The following TMEM236 variants were observed in gnomAD, a reference collection of about 807,000 sequenced individuals.
The protein encoded by TMEM236 is transmembrane protein 236, also known as family with sequence similarity 23, member A.
TMEM236 carries 11 observed loss-of-function variants against 14.7 expected under a neutral mutation model. The ratio of observed to expected loss-of-function variants is 0.75; its 90% CI spans 0.47 to 1.24. The LOEUF (loss-of-function observed/expected upper bound fraction) is 1.24, where lower values mean the gene tolerates loss of function less well. Among genes scored for constraint, TMEM236 ranks in the 50% most tolerant of loss-of-function variants. The probability of loss-of-function intolerance (pLI) is 0.00; values close to 1 mark genes in which losing one functional copy is unlikely to be tolerated. For synonymous variants in TMEM236, 182 were observed against 168.6 expected, an observed-to-expected ratio of 1.08 and a Z score of -0.62; for missense variants, 464 against 427.3, an observed-to-expected ratio of 1.09 and a Z score of -0.76.
At chr10:17,770,934 G>A (rs1485751350) in intron 1 of TMEM236, among the ~76,000 whole-genome samples, 2 of 152,070 alleles carry the variant, frequency 1.3e-5, no homozygotes, top group East Asian at 3.8e-4. Context: ...TACAACATGG[G>A]ATATAATATA....
At chr10:17,756,492 C>T (rs971075689) in intron 1 of TMEM236, among the ~76,000 whole-genome samples, 10 of 152,086 alleles carry the variant, frequency 6.6e-5, no homozygotes, top group African/African-American at 2.4e-4. Flanking sequence ...GATGGATTTT[C>T]CCCATGTTGG....
At chr10:17,783,662 T>A (rs1837790367) in intron 3 of TMEM236, among the ~76,000 whole-genome samples, 1 of 152,174 alleles carries the variant, frequency 6.6e-6, no homozygotes, top group Non-Finnish European at 1.5e-5. Flanking sequence ...AGGTTTTTGA[T>A]ATGTGTAGTT....
At chr10:17,762,648 T>G (rs1837391663) in intron 1 of TMEM236, among the ~76,000 whole-genome samples, 1 of 140,136 alleles carries the variant, frequency 7.1e-6, no homozygotes, top group Non-Finnish European at 1.5e-5. Flanking sequence ...TATATTTAGG[T>G]TTTATTATAT....
At chr10:17,780,606 T>C (rs1023514254) in intron 3 of TMEM236, among the ~76,000 whole-genome samples, 1 of 152,050 alleles carries the variant, frequency 6.6e-6, no homozygotes, top group Non-Finnish European at 1.5e-5. Context: ...GCTTTCTACA[T>C]AGAAGAAAGG....
At chr10:17,780,158 C>T (rs1837723671) in intron 3 of TMEM236, among the ~76,000 whole-genome samples, 1 of 152,178 alleles carries the variant, frequency 6.6e-6, no homozygotes, top group Admixed American at 6.5e-5. Flanking sequence ...TTTCCCCTCC[C>T]ACTTATAGAA....
At chr10:17,764,839 T>C (rs1448698155) in intron 1 of TMEM236, among the ~76,000 whole-genome samples, 4 of 145,804 alleles carry the variant, frequency 2.7e-5, no homozygotes, top group Non-Finnish European at 1.5e-5. Context: ...GATTTTCCCT[T>C]TTTTTTTTTT....
At position 17,752,867 on chromosome 10, in the gene TMEM236, T is replaced by C. The variant is rs1192824310; in HGVS notation, c.257+315T>C. 4.6e-5 allele frequency among the ~76,000 whole-genome samples: 7 copies of C among 152,288 alleles called. No homozygotes were observed. In the East Asian group the frequency reaches 1.4e-3, roughly 29 times the overall value. ...CAGGCAGAAGCCACAATGCCCGGCC[T>C]GTAGAAGAATTCTTTAGTAGGGAAT... On this transcript the variant is annotated intron_variant, in intron 1 of 3. Transcript: ENST00000377495.
intron 1 of TMEM236, among the ~76,000 whole-genome samples, chr10:17,768,782 T>G (rs903644619): frequency 9.3e-5 from 14 of 150,918 alleles, no homozygotes; most frequent in Non-Finnish European, 1.9e-4. Flanking sequence ...TTTCCTATAC[T>G]ATATATGAGA....
At chr10:17,778,749 C>T (rs782532621) in intron 3 of TMEM236, among the ~76,000 whole-genome samples, 34,903 of 152,206 alleles carry the variant, frequency 0.23, 4,148 homozygotes, top group Non-Finnish European at 0.26. Flanking sequence ...TGGACACTCT[C>T]ACAGCATCCT....
In TMEM236 at chr10:17,797,755, A is replaced by G. The variant is rs2130543503; in HGVS notation, c.*1251A>G. The G allele has an allele frequency of 1.3e-5, 2 of 152,318 alleles. No individual in the cohort carries two copies. The highest frequency in any genetic ancestry group is 3.9e-4 in the East Asian group (2 of 5,190). The allele number at this position is 152,318 out of a possible 1,614,324, so 9.4% of individuals were successfully genotyped here. On this transcript the variant is annotated 3_prime_UTR_variant, in exon 4 of 4. Transcript: ENST00000377495. ...AGATATTTGGCTCAGTTTAAGGCTT[A>G]GCTGTATTGCCAGTACTGAAGTACT...
intron 3 of TMEM236, among the ~76,000 whole-genome samples, chr10:17,791,389 T>G (rs888804557): frequency 6.6e-6 from 1 of 152,060 alleles, no homozygotes; most frequent in African/African-American, 2.4e-5. Flanking sequence ...GTCTGAGAGT[T>G]GGAGGCTGTA....
intron 3 of TMEM236, among the ~76,000 whole-genome samples, chr10:17,783,798 T>A (rs1837792564): frequency 6.6e-6 from 1 of 152,230 alleles, no homozygotes; most frequent in African/African-American, 2.4e-5. Context: ...AATAGTATCG[T>A]AGGCAAAATA....
rs1838071756 is a variant in TMEM236 at position 17,800,021 on chromosome 10, CTG to C, written c.*3519_*3520del. On this transcript the variant is annotated 3_prime_UTR_variant, in exon 4 of 4. Coordinates refer to ENST00000377495, the MANE Select transcript of TMEM236 (RefSeq NM_001098844.3). ...CTGCGAAAACATTGATAGTTCTACA[CTG>C]TAATTAAATGTTATATATATTATTA... The C allele has an allele frequency of 6.6e-6, 1 of 152,144 alleles. No homozygotes were observed. 9.4% of individuals were successfully genotyped at this position (152,144 alleles called of 1,614,324 possible). A position where few individuals can be genotyped will look rare whatever the true frequency, so the allele number is the denominator to read the frequency against.
chr10:17,770,388 AATTT>A (rs1837549580), intron 1 of TMEM236, among the ~76,000 whole-genome samples: 1 of 151,808 alleles, frequency 6.6e-6, no homozygotes, highest in African/African-American at 2.4e-5. Context: ...TTAATTAATT[AATTT>A]ATTTATTTTG....
In TMEM236 at chr10:17,795,989, C is replaced by A; in HGVS notation, c.541C>A (p.Gln181Lys). Residue 181 changes from glutamine (Q) to lysine (K), a missense_variant, in exon 4 of 4, where the codon CAA becomes AAA. Gln to Lys is a moderately conservative substitution (Grantham distance 53). Transcript: ENST00000377495. ...AAAAACTGTGACGGAGCAAGTGAGG[C>A]AAAGTCCAGAAAACGCTGCATCTCC... Reference protein sequence around the residue: ...HIKTVTEQVRQSPENAASPQA... With the variant: ...HIKTVTEQVRKSPENAASPQA... The A allele has an allele frequency of 6.2e-7, 1 of 1,613,942 alleles. No individual in the cohort carries two copies. The highest frequency in any genetic ancestry group is 8.5e-7 in the Non-Finnish European group (1 of 1,179,870).
chr10:17,762,574 CATATATATATATATATATATAT>C (rs878958449), intron 1 of TMEM236, among the ~76,000 whole-genome samples: 2,515 of 53,082 alleles, frequency 0.047, 220 homozygotes, highest in African/African-American at 0.14. Flanking sequence ...ATCTGAATTT[CATATATATATATATATATATAT>C]ATATATATAT....
Position 17,771,259 on chromosome 10 carries a change from C to A in TMEM236, c.258-50C>A, listed in dbSNP as rs1466422017. 3.9e-6 allele frequency: 6 copies of A among 1,545,650 alleles called. No homozygotes were observed. The African/African-American group carries it at 6.8e-5, about 18-fold the overall frequency. On this transcript the variant is annotated intron_variant, in intron 1 of 3. Transcript: ENST00000377495. ...CAAAATTAGCAAAATGTAAGAGGAA[C>A]TGTCGATCTTGTCCATGATTGCTTT...
At chr10:17,771,633 G>A (rs1054312433) in intron 2 of TMEM236, among the ~76,000 whole-genome samples, 6 of 152,094 alleles carry the variant, frequency 3.9e-5, no homozygotes, top group Non-Finnish European at 5.9e-5. Context: ...ATATTTGAAC[G>A]TTTAAAAAGT....
intron 2 of TMEM236, among the ~76,000 whole-genome samples, chr10:17,773,778 A>G (rs1177168717): frequency 1.3e-5 from 2 of 152,230 alleles, no homozygotes; most frequent in South Asian, 2.1e-4. Context: ...CTTATCTTTT[A>G]AAAACGTATT....
Sources: gnomAD v4.1 joint callset for allele counts (sites outside exome capture counted in the v4.1 genomes callset) on GRCh38, gnomAD v4.1.1 for gene constraint, MANE v1.5 for transcripts, NCBI Gene and HGNC (gene_info 2026-07-23, HGNC 2026-07-21) for gene names.